SH3PXD2A: variants seen among roughly 807,000 people sequenced by gnomAD.
The protein encoded by SH3PXD2A is SH3 and PX domains 2A.
In SH3PXD2A, 32 loss-of-function variants were observed where a neutral mutation model predicts 115.2. The ratio of observed to expected loss-of-function variants is 0.28; its 90% CI spans 0.21 to 0.37. The LOEUF (loss-of-function observed/expected upper bound fraction) is 0.37, where lower values mean the gene tolerates loss of function less well. Among genes scored for constraint, SH3PXD2A ranks in the 10% least tolerant of loss-of-function variants. The pLI, the probability that SH3PXD2A is intolerant of heterozygous loss-of-function variation, is 1.00. For synonymous variants in SH3PXD2A, 610 were observed against 629.1 expected, an observed-to-expected ratio of 0.97 and a Z score of 0.45; for missense variants, 1,328 against 1,498.7, an observed-to-expected ratio of 0.89 and a Z score of 1.88.
Position 103,611,450 on chromosome 10 carries a change from T to G in SH3PXD2A, c.1308+131A>C, listed in dbSNP as rs548910560. 3 of 834,048 alleles carry G rather than the reference T, an allele frequency of 3.6e-6. No individual in the cohort carries two copies. In the African/African-American group the frequency reaches 5.1e-5, roughly 14 times the overall value. The allele number at this position is 834,048 out of a possible 1,614,324, so 51.7% of individuals were successfully genotyped here. On this transcript the variant is annotated intron_variant, in intron 13 of 14. Transcript: ENST00000369774. ...CTCCCTGCCCCTAGCCCCACAAAAC[T>G]AGAAGCCCCAGCAGGGCTCTGGAAA...
At position 103,623,278 on chromosome 10, in the gene SH3PXD2A, C is replaced by A. The variant is rs1343792961; in HGVS notation, c.719-725G>T. Among the ~76,000 whole-genome samples the A allele has an allele frequency of 4.6e-5, 7 of 151,962 alleles. 1 individual carries two copies. The South Asian group carries it at 1.0e-3, about 23-fold the overall frequency. On this transcript the variant is annotated intron_variant, in intron 9 of 14. Transcript: ENST00000369774. ...ACATCTGATGACAGGGGCCCCCTCC[C>A]CAGCTTCTCACTGCTCCTGACCCCG...
chr10:103,786,706 G>T (rs2038984242), intron 2 of SH3PXD2A, among the ~76,000 whole-genome samples: 1 of 152,116 alleles, frequency 6.6e-6, no homozygotes, highest in African/African-American at 2.4e-5. Flanking sequence ...AAATGGGGGA[G>T]AGTGGTGGTG....
rs978172115 is a variant in SH3PXD2A, at chr10:103,664,020, C to T, written c.473-2906G>A. Among the ~76,000 whole-genome samples, 7 of 152,232 alleles carry T rather than the reference C, an allele frequency of 4.6e-5. No homozygotes were observed. The South Asian group carries it at 6.2e-4, about 14-fold the overall frequency. The stretch of plus-strand genomic sequence containing the variant: ...GTACTTAGGCATGCCAGCTTCTGTG[C>T]CTGCCCCTGCCAGCTGGGCAGAGGC... On this transcript the variant is annotated intron_variant, in intron 7 of 14. Coordinates refer to ENST00000369774, the MANE Select transcript of SH3PXD2A (RefSeq NM_001394015.1).
rs994928529 is a variant in SH3PXD2A at position 103,602,105 on chromosome 10, C to G, written c.3113G>C (p.Ser1038Thr). Residue 1038 changes from serine (S) to threonine (T), a missense_variant, in exon 15 of 15, where the codon AGC becomes ACC. Physicochemically the swap from Ser to Thr is moderately conservative, Grantham distance 58 (BLOSUM62 1). Transcript: ENST00000369774. ...CAGTAGGGGTGAGTCTGAACCCTGGCTGGCAGCCCGTTCGGCCAGGCGGCC... is the reference window on the plus strand; with the variant it reads ...CAGTAGGGGTGAGTCTGAACCCTGGGTGGCAGCCCGTTCGGCCAGGCGGCC... Reference protein sequence around the residue: ...AKGRLAERAASQGSDSPLLPA... With the variant: ...AKGRLAERAATQGSDSPLLPA... 10 of 1,591,020 alleles carry G rather than the reference C, an allele frequency of 6.3e-6. No homozygotes were observed. The highest frequency in any genetic ancestry group is 1.7e-5 in the Admixed American group (1 of 58,454).
intron 3 of SH3PXD2A, among the ~76,000 whole-genome samples, chr10:103,742,076 G>A (rs1198671162): frequency 6.6e-6 from 1 of 152,182 alleles, no homozygotes; most frequent in Non-Finnish European, 1.5e-5. Context: ...TTGAGCCTGG[G>A]GGGTTGAGGC....
intron 1 of SH3PXD2A, among the ~76,000 whole-genome samples, chr10:103,817,924 G>A (rs1010614742): frequency 3.3e-5 from 5 of 152,198 alleles, no homozygotes; most frequent in Non-Finnish European, 7.3e-5. Context: ...GTGGGTGGGT[G>A]GCTGTCAGGG....
chr10:103,622,651 C>T (rs970822173), intron 9 of SH3PXD2A, 98 bp from the exon 10 acceptor site: 3 of 660,780 alleles, frequency 4.5e-6, no homozygotes, highest in Non-Finnish European at 5.4e-6. Flanking sequence ...GGAAGGGGCA[C>T]AGGGAGGGGA....
chr10:103,682,296 A>G (rs1248583758), intron 6 of SH3PXD2A, among the ~76,000 whole-genome samples: 2 of 152,234 alleles, frequency 1.3e-5, no homozygotes, highest in East Asian at 3.8e-4. Flanking sequence ...TGGCGCAGAC[A>G]CACACGTGAG....
intron 13 of SH3PXD2A, chr10:103,609,140 A>C: frequency 6.7e-6 from 1 of 148,936 alleles, no homozygotes; most frequent in African/African-American, 2.5e-5. Flanking sequence ...CAACTGACAG[A>C]GTGAGACTCT....
At position 103,599,385 on chromosome 10, in the gene SH3PXD2A, T is replaced by G. The variant is rs2036183812; in HGVS notation, c.*2431A>C. 1 of 152,606 alleles carries G rather than the reference T, an allele frequency of 6.6e-6. No individual in the cohort carries two copies. Among genetic ancestry groups the G allele is most frequent in the Admixed American group, 6.5e-5 (1 of 15,274 alleles). 9.5% of individuals were successfully genotyped at this position (152,606 alleles called of 1,614,324 possible). ...TGAGATGCTCTGTGCTTGGCAGACA[T>G]GCTCTGCACTCCCTCCTGGCCTGGC... On this transcript the variant is annotated 3_prime_UTR_variant, in exon 15 of 15. Transcript: ENST00000369774.
intron 1 of SH3PXD2A, among the ~76,000 whole-genome samples, chr10:103,806,943 C>T (rs1056091705): frequency 3.9e-5 from 6 of 152,220 alleles, no homozygotes; most frequent in African/African-American, 7.2e-5. Flanking sequence ...CCCAGCGCAA[C>T]GCTCTGGCCC....
At chr10:103,656,950 T>C (rs559669031) in intron 8 of SH3PXD2A, among the ~76,000 whole-genome samples, 16 of 152,000 alleles carry the variant, frequency 1.1e-4, no homozygotes, top group Non-Finnish European at 2.4e-4. Context: ...ACCCCTGGGT[T>C]TGGTGAGATT....
intron 7 of SH3PXD2A, among the ~76,000 whole-genome samples, chr10:103,664,662 TTC>T (rs201948159): frequency 8.2e-6 from 1 of 121,844 alleles, no homozygotes; most frequent in Admixed American, 1.0e-4. Context: ...ATGGGTTTCT[TTC>T]TCTCTCTTTT....
intron 1 of SH3PXD2A, among the ~76,000 whole-genome samples, chr10:103,803,906 A>T (rs545722908): frequency 1.2e-3 from 181 of 152,300 alleles, no homozygotes; most frequent in Middle Eastern, 3.4e-3. Flanking sequence ...TAAGATTTAC[A>T]TTGGTTCCAT....
At chr10:103,667,066 C>T (rs1222857354) in intron 7 of SH3PXD2A, among the ~76,000 whole-genome samples, 11 of 152,180 alleles carry the variant, frequency 7.2e-5, no homozygotes, top group African/African-American at 2.4e-4. Flanking sequence ...TCTCCAACAT[C>T]AGCCCTTACC....
chr10:103,839,597 C>T (rs1398493353), intron 1 of SH3PXD2A, among the ~76,000 whole-genome samples: 3 of 151,256 alleles, frequency 2.0e-5, no homozygotes, highest in Admixed American at 6.6e-5. Context: ...TCCCCCAAGC[C>T]CACACAGCCC....
chr10:103,773,509 G>A (rs561406191), intron 2 of SH3PXD2A, among the ~76,000 whole-genome samples: 2 of 150,196 alleles, frequency 1.3e-5, no homozygotes, highest in Non-Finnish European at 3.0e-5. Context: ...GTGCAATCTC[G>A]GCTCACTGCA....
intron 9 of SH3PXD2A, among the ~76,000 whole-genome samples, chr10:103,626,626 G>GAAA (rs112071139): frequency 3.1e-5 from 4 of 128,394 alleles, no homozygotes; most frequent in African/African-American, 1.1e-4. Flanking sequence ...AAAAGAAAAA[G>GAAA]AAAAAAAAAA....
chr10:103,724,101 G>A (rs542371625), intron 5 of SH3PXD2A, among the ~76,000 whole-genome samples, 169 bp downstream of exon 5: 2 of 152,292 alleles, frequency 1.3e-5, no homozygotes, highest in South Asian at 2.1e-4. Flanking sequence ...CTGGCACTAG[G>A]AGCCTGGGGA....
Sources: allele counts gnomAD v4.1 joint callset (sites outside exome capture counted in the v4.1 genomes callset), GRCh38; gene constraint gnomAD v4.1.1; transcripts MANE v1.5; gene names NCBI Gene and HGNC (gene_info 2026-07-23, HGNC 2026-07-21).